The following MGLL variants were observed in gnomAD, a reference collection of about 807,000 sequenced individuals.
MGLL encodes the protein monoglyceride lipase.
MGLL carries 7 observed loss-of-function variants against 29.1 expected under a neutral mutation model. The ratio of observed to expected loss-of-function variants is 0.24; its 90% CI spans 0.14 to 0.45. The LOEUF (loss-of-function observed/expected upper bound fraction) is 0.45. Ranked by LOEUF, MGLL falls within the 20% of genes least tolerant of loss-of-function variation. The pLI, the probability that MGLL is intolerant of heterozygous loss-of-function variation, is 0.99. For missense variants in MGLL, 356 were observed against 413.6 expected, an observed-to-expected ratio of 0.86 and a Z score of 1.21; for synonymous variants, 148 against 168.3, an observed-to-expected ratio of 0.88 and a Z score of 0.93.
At chr3:127,763,656 C>T (rs1410031687) in intron 3 of MGLL, among the ~76,000 whole-genome samples, 1 of 152,194 alleles carries the variant, frequency 6.6e-6, no homozygotes, top group Non-Finnish European at 1.5e-5. Context: ...TGGAGTGGAC[C>T]TCTGTCTGTG....
chr3:127,807,700 T>C (rs1190987905), intron 2 of MGLL, among the ~76,000 whole-genome samples: 2 of 151,224 alleles, frequency 1.3e-5, no homozygotes, highest in East Asian at 3.9e-4. Flanking sequence ...CTTCATTTTA[T>C]GATGTTTTCT....
chr3:127,772,080 C>T (rs1192841426), intron 3 of MGLL, among the ~76,000 whole-genome samples: 1 of 152,206 alleles, frequency 6.6e-6, no homozygotes, highest in African/African-American at 2.4e-5. Context: ...AGAAAACCTG[C>T]GTTTATCAAA....
At chr3:127,693,446 G>T (rs2075286697) in intron 7 of MGLL, among the ~76,000 whole-genome samples, 2 of 152,184 alleles carry the variant, frequency 1.3e-5, no homozygotes, top group Non-Finnish European at 2.9e-5. Flanking sequence ...AGGTGGTGGG[G>T]CTCCCCTGCC....
At chr3:127,707,650 G>A (rs923839140) in intron 6 of MGLL, among the ~76,000 whole-genome samples, 1 of 152,220 alleles carries the variant, frequency 6.6e-6, no homozygotes, top group Non-Finnish European at 1.5e-5. Flanking sequence ...TACAAATGCT[G>A]GTAATAAGAC....
intron 2 of MGLL, among the ~76,000 whole-genome samples, chr3:127,784,849 C>T (rs960025720): frequency 1.3e-5 from 2 of 152,164 alleles, no homozygotes; most frequent in Admixed American, 1.3e-4. Context: ...TAAATCTGTC[C>T]AGCAAAGCGA....
At chr3:127,785,987 A>T (rs2077205922) in intron 2 of MGLL, among the ~76,000 whole-genome samples, 1 of 152,234 alleles carries the variant, frequency 6.6e-6, no homozygotes, top group African/African-American at 2.4e-5. Flanking sequence ...GTCCTGGTGC[A>T]GGAGTCCTGC....
At chr3:127,780,098 T>C (rs1393939883) in intron 3 of MGLL, among the ~76,000 whole-genome samples, 1 of 152,244 alleles carries the variant, frequency 6.6e-6, no homozygotes, top group Non-Finnish European at 1.5e-5. Flanking sequence ...CTAGATGTTA[T>C]TCTGGAAACA....
chr3:127,698,412 A>C (rs2075413457), intron 6 of MGLL, among the ~76,000 whole-genome samples: 1 of 152,222 alleles, frequency 6.6e-6, no homozygotes. Flanking sequence ...GGAGATAGCC[A>C]GGCCCCTTCC....
At chr3:127,807,841 A>C (rs1393663680) in intron 2 of MGLL, among the ~76,000 whole-genome samples, 1 of 142,638 alleles carries the variant, frequency 7.0e-6, no homozygotes, top group East Asian at 2.0e-4. Flanking sequence ...GGCTCACTGC[A>C]AGCTCCGCCT....
At chr3:127,692,719 G>A (rs1032246850) in intron 7 of MGLL, among the ~76,000 whole-genome samples, 1 of 152,194 alleles carries the variant, frequency 6.6e-6, no homozygotes, top group African/African-American at 2.4e-5. Context: ...AACCCACGGT[G>A]GCTAGCCTGG....
At chr3:127,817,901 G>A (rs2077785208) in intron 2 of MGLL, among the ~76,000 whole-genome samples, 2 of 152,226 alleles carry the variant, frequency 1.3e-5, no homozygotes, top group African/African-American at 2.4e-5. Context: ...CCCATCCATG[G>A]GCCAGTCTCC....
rs367670836 is a variant in MGLL at position 127,721,181 on chromosome 3, C to T, written c.400-18G>A. 3 of 1,607,024 alleles carry T rather than the reference C, an allele frequency of 1.9e-6. No homozygotes were observed. Among genetic ancestry groups the T allele is most frequent in the Non-Finnish European group, 2.6e-6 (3 of 1,173,900 alleles). On this transcript the variant is annotated intron_variant, in intron 4 of 7. Coordinates refer to ENST00000265052, the MANE Select transcript of MGLL (RefSeq NM_007283.7). ...GCGCCTCCCTGTAATGCAGAATGGG[C>T]AGAGCTGCTGTGTTCGGCTTGCACC...
Position 127,749,990 on chromosome 3 carries a change from G to A in MGLL, c.263-27424C>T, listed in dbSNP as rs2076527031. ...AGGGGAGGCCAGTGAGTTGGAGCCAGGGACAGGGAGAGATGGGGCCAGGTC... is the reference window on the plus strand; with the variant it reads ...AGGGGAGGCCAGTGAGTTGGAGCCAAGGACAGGGAGAGATGGGGCCAGGTC... On this transcript the variant is annotated intron_variant, in intron 3 of 7. Transcript: ENST00000265052. Among the ~76,000 whole-genome samples, 5 of 152,154 alleles carry A rather than the reference G, an allele frequency of 3.3e-5. No homozygotes were observed. The South Asian group carries it at 1.0e-3, about 32-fold the overall frequency.
intron 3 of MGLL, among the ~76,000 whole-genome samples, chr3:127,743,238 A>C (rs2076378090): frequency 6.6e-6 from 1 of 152,228 alleles, no homozygotes; most frequent in African/African-American, 2.4e-5. Flanking sequence ...GTGTATTTTC[A>C]GATTCCAGTC....
chr3:127,771,241 C>T (rs1025487234), intron 3 of MGLL, among the ~76,000 whole-genome samples: 8 of 152,224 alleles, frequency 5.3e-5, no homozygotes, highest in Non-Finnish European at 1.2e-4. Flanking sequence ...GGAGCAGAGG[C>T]AGCTGCTCTC....
At chr3:127,718,902 A>T (rs1205215962) in intron 5 of MGLL, among the ~76,000 whole-genome samples, 1 of 152,248 alleles carries the variant, frequency 6.6e-6, no homozygotes, top group Non-Finnish European at 1.5e-5. Flanking sequence ...CAGACTAGAA[A>T]ATGTGCCAAG....
Position 127,761,290 on chromosome 3 carries a change from C to T in MGLL, c.262+20499G>A, listed in dbSNP as rs2076759805. On this transcript the variant is annotated intron_variant, in intron 3 of 7. Transcript: ENST00000265052. The surrounding 1 kb of genome is among the most constrained non-coding windows in gnomAD (Gnocchi z 4.6). ...CCAGACTGCGTCACTTTCCAGGGCC[C>T]ACTGGGCAAACTGGCTTCTCCCCTG... is the stretch of plus-strand genomic sequence containing the variant. Among the ~76,000 whole-genome samples the T allele has an allele frequency of 6.6e-6, 1 of 152,202 alleles. No individual in the cohort carries two copies. The highest frequency in any genetic ancestry group is 6.5e-5 in the Admixed American group (1 of 15,282).
chr3:127,739,733 G>A lies in MGLL; in HGVS notation c.263-17167C>T, dbSNP rs557414913. Among the ~76,000 whole-genome samples, 17 of 152,312 alleles carry A rather than the reference G, an allele frequency of 1.1e-4. No homozygotes were observed. The South Asian group carries it at 3.5e-3, about 32-fold the overall frequency. ...GCAGCAGGCCTGAGATTTCATTCATGGAACTCTTACATGGACAACTGGATG... is the reference window on the plus strand; with the variant it reads ...GCAGCAGGCCTGAGATTTCATTCATAGAACTCTTACATGGACAACTGGATG... On this transcript the variant is annotated intron_variant, in intron 3 of 7. Transcript: ENST00000265052.
chr3:127,698,004 C>T (rs2075406245), intron 6 of MGLL, among the ~76,000 whole-genome samples: 1 of 152,232 alleles, frequency 6.6e-6, no homozygotes, highest in Non-Finnish European at 1.5e-5. Context: ...CCCCAAGTGT[C>T]CTGGGCACAG....
Sources: gnomAD v4.1 joint callset for allele counts (sites outside exome capture counted in the v4.1 genomes callset) on GRCh38, gnomAD v4.1.1 for gene constraint, Gnocchi (gnomAD v3.1) non-coding constraint, MANE v1.5 for transcripts, NCBI Gene and HGNC (gene_info 2026-07-23, HGNC 2026-07-21) for gene names.